Variants in PARP2 observed in about 807,000 individuals in gnomAD.
PARP2 encodes poly [ADP-ribose] polymerase 2.
Under a neutral mutation model 77.8 loss-of-function variants are expected in PARP2, and 57 were observed. That is an observed-to-expected ratio of 0.73 (90% CI 0.59 to 0.91). The LOEUF (loss-of-function observed/expected upper bound fraction) is 0.91, where lower values mean the gene tolerates loss of function less well. Ranked by LOEUF, PARP2 falls within the 40% of genes least tolerant of loss-of-function variation. PARP2 has a pLI of 0.00. For synonymous variants in PARP2, 226 were observed against 242.6 expected, an observed-to-expected ratio of 0.93 and a Z score of 0.64; for missense variants, 651 against 689.0, an observed-to-expected ratio of 0.94 and a Z score of 0.62.
rs1169023712 is a variant in PARP2 at position 20,350,516 on chromosome 14, C to G, written c.325-10C>G. The G allele has an allele frequency of 6.6e-7, 1 of 1,512,618 alleles. No homozygotes were observed. Among genetic ancestry groups the G allele is most frequent in the African/African-American group, 1.4e-5 (1 of 72,604 alleles). 93.7% of individuals were successfully genotyped at this position (1,512,618 alleles called of 1,614,324 possible). ...CTCCTTTTTTTTGTTTTTGTTTTCA[C>G]TCAACATAGACCAATCTCCAGTTCA... On this transcript the variant is annotated splice_polypyrimidine_tract_variant and intron_variant, in intron 4 of 15. Transcript: ENST00000429687.
At position 20,357,767 on chromosome 14, in the gene PARP2, G is replaced by C. The variant is rs1948486569; in HGVS notation, c.1683G>C (p.Lys561Asn). The C allele has an allele frequency of 6.2e-7, 1 of 1,613,002 alleles. No homozygotes were observed. Among genetic ancestry groups the C allele is most frequent in the African/African-American group, 1.3e-5 (1 of 74,930 alleles). Reference sequence around the variant, plus strand: ...AGGTCCGTATGCGGTACCTTTTAAAGGTTCAGTTTAATTTCCTTCAGCTGT... The same window carrying C: ...AGGTCCGTATGCGGTACCTTTTAAACGTTCAGTTTAATTTCCTTCAGCTGT... ...PNQVRMRYLLKVQFNFLQLW is the reference protein window; with the variant it reads ...PNQVRMRYLLNVQFNFLQLW The change falls in exon 16 of 16, where the codon AAG becomes AAC. Residue 561 changes from lysine to asparagine, a missense_variant. Lys to Asn is a moderately conservative substitution (Grantham distance 94). Transcript: ENST00000429687.
chr14:20,352,415 C>A, intron 7 of PARP2, 68 bp downstream of exon 7: 2 of 982,662 alleles, frequency 2.0e-6, no homozygotes, highest in South Asian at 1.4e-5. Flanking sequence ...AGAGGCAAAA[C>A]TGTGCTCTGT....
intron 10 of PARP2, 30 bp from the exon 11 acceptor site, chr14:20,355,867 C>T (rs898452229): frequency 6.2e-7 from 1 of 1,613,740 alleles, no homozygotes; most frequent in Non-Finnish European, 8.5e-7. Flanking sequence ...CAGTGTCCTC[C>T]CACATTGATT....
intron 4 of PARP2, among the ~76,000 whole-genome samples, chr14:20,348,226 C>A (rs1034594381): frequency 6.6e-6 from 1 of 152,050 alleles, no homozygotes; most frequent in African/African-American, 2.4e-5. Context: ...TTTCGAGGAA[C>A]TTTATATAAT....
intron 7 of PARP2, 28 bp from the exon 8 acceptor site, chr14:20,354,057 C>A: frequency 6.4e-7 from 1 of 1,573,132 alleles, no homozygotes; most frequent in Non-Finnish European, 8.7e-7. Flanking sequence ...CTTAGATTGT[C>A]TTGTGTTTTG....
intron 9 of PARP2, chr14:20,355,423 G>A (rs1206074117): frequency 1.5e-5 from 3 of 200,472 alleles, no homozygotes; most frequent in African/African-American, 7.0e-5. Context: ...TGGTCAACAG[G>A]TCTACCTGTG....
chr14:20,344,102 T>G (rs1883616897), intron 1 of PARP2: 1 of 201,974 alleles, frequency 5.0e-6, no homozygotes, highest in East Asian at 1.3e-4. Flanking sequence ...CGGTATTATG[T>G]GTATAATGTT....
At chr14:20,347,346 A>ATGTGTGTG (rs200507197) in intron 4 of PARP2, among the ~76,000 whole-genome samples, 59 of 62,124 alleles carry the variant, frequency 9.5e-4, no homozygotes, top group Non-Finnish European at 1.3e-3. Flanking sequence ...AGTCCTTCAT[A>ATGTGTGTG]TGTGTGTGTG....
Position 20,357,844 on chromosome 14 carries a change from T to C in PARP2, c.*47T>C. 6.4e-7 allele frequency: 1 copy of C among 1,553,002 alleles called. No homozygotes were observed. The highest frequency in any genetic ancestry group is 8.8e-7 in the Non-Finnish European group (1 of 1,130,688). On this transcript the variant is annotated 3_prime_UTR_variant, in exon 16 of 16. Transcript: ENST00000429687. ...GAGATCTGATCTTCAAGCAAGAAAA[T>C]AAGCAGTGTTGTACTTGTGAATTTT...
intron 14 of PARP2, 107 bp downstream of exon 14, chr14:20,357,256 G>T: frequency 7.6e-7 from 1 of 1,323,138 alleles, no homozygotes. Context: ...TAGCTTGAGA[G>T]AGGACCAAGT....
chr14:20,347,435 A>T (rs1883807283), intron 4 of PARP2, among the ~76,000 whole-genome samples: 1 of 32,822 alleles, frequency 3.0e-5, no homozygotes, highest in Non-Finnish European at 5.3e-5. Context: ...TTTTTTTTTG[A>T]GACAGAGTCT....
Position 20,351,048 on chromosome 14 carries a change from TGG to T in PARP2, c.425_426del (p.Gly142GlufsTer27). On this transcript the variant is annotated frameshift_variant and splice_region_variant, in exon 6 of 16. Coordinates refer to ENST00000429687, the MANE Select transcript of PARP2 (RefSeq NM_001042618.2). LOFTEE classifies it high-confidence loss of function. Reference protein sequence around the residue: ...FSVWMRWGRVGKMGQHSLVAC... With the variant: ...FSVWMRWGRVXKMGQHSLVAC... The stretch of plus-strand genomic sequence containing the variant: ...TTATGTGTGGCATTTCCTTTGCAGT[TGG>T]GAAAATGGGACAGCACAGCCTGGTG... 6.2e-7 allele frequency: 1 copy of T among 1,613,412 alleles called. No individual in the cohort carries two copies. Among genetic ancestry groups the T allele is most frequent in the Non-Finnish European group, 8.5e-7 (1 of 1,179,468 alleles).
intron 12 of PARP2, 28 bp from the exon 13 acceptor site, chr14:20,356,560 CAG>C: frequency 6.2e-7 from 1 of 1,602,330 alleles, no homozygotes; most frequent in Non-Finnish European, 8.6e-7. Flanking sequence ...TGCAGAACAA[CAG>C]AGTACAATAA....
At chr14:20,347,724 A>G (rs1760529247) in intron 4 of PARP2, among the ~76,000 whole-genome samples, 1 of 151,746 alleles carries the variant, frequency 6.6e-6, no homozygotes, top group Non-Finnish European at 1.5e-5. Flanking sequence ...CCTTTATATT[A>G]ATATTAGCCA....
intron 4 of PARP2, among the ~76,000 whole-genome samples, chr14:20,347,903 T>G (rs1057189589): frequency 4.6e-5 from 7 of 151,604 alleles, no homozygotes; most frequent in African/African-American, 7.3e-5. Flanking sequence ...GACAGGATCT[T>G]GTTCTGTCAC....
Position 20,350,563 on chromosome 14 carries a change from T to C in PARP2, c.362T>C (p.Ile121Thr). 1 of 1,611,332 alleles carries C rather than the reference T, an allele frequency of 6.2e-7. No individual in the cohort carries two copies. Among genetic ancestry groups the C allele is most frequent in the Non-Finnish European group, 8.5e-7 (1 of 1,177,474 alleles). The change falls in exon 5 of 16, where the codon ATT (isoleucine) becomes ACT (threonine). Residue 121 changes from isoleucine to threonine, a missense_variant. Physicochemically the swap from Ile to Thr is moderately conservative, Grantham distance 89 (BLOSUM62 -1). Transcript: ENST00000429687. ...LQFNNNKYYL[I>T]QLLEDDAQRN... Reference sequence around the variant, plus strand: ...TTCAACAACAACAAGTACTATCTGATTCAGCTATTAGAAGATGATGCCCAG... The same window carrying C: ...TTCAACAACAACAAGTACTATCTGACTCAGCTATTAGAAGATGATGCCCAG...
intron 4 of PARP2, among the ~76,000 whole-genome samples, chr14:20,347,394 A>G (rs1477072786): frequency 1.9e-3 from 25 of 12,914 alleles, no homozygotes; most frequent in African/African-American, 0.012. Context: ...ATATATATAT[A>G]TATATTTTTT....
At chr14:20,345,177 C>T (rs1883668272) in intron 2 of PARP2, 90 bp downstream of exon 2, 1 of 1,443,544 alleles carries the variant, frequency 6.9e-7, no homozygotes. Flanking sequence ...CCTATTTCGT[C>T]CTTCTTTCAG....
chr14:20,345,694 GA>G, intron 3 of PARP2, among the ~76,000 whole-genome samples: 1 of 152,240 alleles, frequency 6.6e-6, no homozygotes, highest in East Asian at 1.9e-4. Flanking sequence ...TTGCTGTAAA[GA>G]AATACCTGAG....
Sources: allele counts gnomAD v4.1 joint callset (sites outside exome capture counted in the v4.1 genomes callset), GRCh38; gene constraint gnomAD v4.1.1; transcripts MANE v1.5; gene names NCBI Gene and HGNC (gene_info 2026-07-23, HGNC 2026-07-21).